Variants in TEAD1 observed in about 807,000 individuals in gnomAD.
TEAD1 encodes the protein transcriptional enhancer factor TEF-1.
In TEAD1, 9 loss-of-function variants were observed where a neutral mutation model predicts 54.9. The observed-to-expected ratio is 0.16, with a 90% CI of 0.10 to 0.29. The LOEUF is 0.29. TEAD1 is among the 10% of genes least tolerant of loss of function. The pLI, the probability that TEAD1 is intolerant of heterozygous loss-of-function variation, is 1.00. For missense variants in TEAD1, 387 were observed against 535.9 expected, an observed-to-expected ratio of 0.72 and a Z score of 2.74; for synonymous variants, 200 against 187.8, an observed-to-expected ratio of 1.07 and a Z score of -0.53.
intron 5 of TEAD1, among the ~76,000 whole-genome samples, chr11:12,871,366 T>C (rs536914553): frequency 3.3e-4 from 50 of 152,352 alleles, no homozygotes; most frequent in Non-Finnish European, 6.3e-4. Context: ...TTAGAAATTA[T>C]TCTCTACTTC....
intron 11 of TEAD1, among the ~76,000 whole-genome samples, chr11:12,929,406 G>A (rs1238270485): frequency 7.1e-6 from 1 of 140,092 alleles, no homozygotes; most frequent in African/African-American, 2.7e-5. Context: ...CCCTTTTCCT[G>A]GCTTCCTTTG....
chr11:12,779,795 A>G (rs1380989935), intron 3 of TEAD1, among the ~76,000 whole-genome samples: 1 of 152,226 alleles, frequency 6.6e-6, no homozygotes, highest in Non-Finnish European at 1.5e-5. Context: ...AATTAACGTA[A>G]CACACCATAT....
chr11:12,913,920 G>A (rs1948663411), intron 10 of TEAD1, among the ~76,000 whole-genome samples: 1 of 152,176 alleles, frequency 6.6e-6, no homozygotes, highest in Non-Finnish European at 1.5e-5. Flanking sequence ...GAAAGGTGGT[G>A]TCTGGGCCAG....
chr11:12,754,822 G>C (rs1944953091), intron 2 of TEAD1, among the ~76,000 whole-genome samples: 1 of 152,128 alleles, frequency 6.6e-6, no homozygotes. Flanking sequence ...AGTGAAGTGT[G>C]GATTTCCCTA....
intron 10 of TEAD1, among the ~76,000 whole-genome samples, chr11:12,908,883 G>GTTTTTGTTTTTTTTTTTTTTTTTTTTT (rs769023879): frequency 2.2e-4 from 22 of 99,668 alleles, no homozygotes; most frequent in African/African-American, 4.1e-4. Context: ...CAAATTATCT[G>GTTTTTGTTTTTTTTTTTTTTTTTTTTT]TTTTTTTTTT....
intron 10 of TEAD1, among the ~76,000 whole-genome samples, chr11:12,924,545 G>GT (rs969746344): frequency 1.3e-4 from 19 of 151,762 alleles, no homozygotes; most frequent in East Asian, 7.7e-4. Context: ...GCAGTCTCTT[G>GT]TTTTTTTTAA....
chr11:12,850,939 A>G, intron 3 of TEAD1: 1 of 352,914 alleles, frequency 2.8e-6, no homozygotes, highest in Non-Finnish European at 4.0e-6. Context: ...AGACGAGAAC[A>G]AAGGTCTGAA....
At chr11:12,794,443 AAAAC>A (rs1352914172) in intron 3 of TEAD1, among the ~76,000 whole-genome samples, 1 of 152,226 alleles carries the variant, frequency 6.6e-6, no homozygotes. Flanking sequence ...AAAAAAGAAA[AAAAC>A]AGCCCTCATG....
At chr11:12,822,321 AAT>A (rs1946569151) in intron 3 of TEAD1, 1 of 152,180 alleles carries the variant, frequency 6.6e-6, no homozygotes, top group Non-Finnish European at 1.5e-5. Context: ...TGTGAATTGA[AAT>A]ATAGATCCTC....
intron 3 of TEAD1, among the ~76,000 whole-genome samples, chr11:12,809,544 GACCATGCTTCTT>G (rs1017228571): frequency 1.6e-4 from 24 of 151,806 alleles, no homozygotes; most frequent in Non-Finnish European, 3.4e-4. Context: ...CCAGATCAAA[GACCATGCTTCTT>G]GGTCTAGCCA....
chr11:12,680,565 C>G (rs1049138928), intron 2 of TEAD1, among the ~76,000 whole-genome samples: 11 of 152,232 alleles, frequency 7.2e-5, no homozygotes, highest in Admixed American at 2.0e-4. Context: ...TCGCCCTCCC[C>G]CACTGGGCAG....
At chr11:12,809,789 C>T (rs763551591) in intron 3 of TEAD1, among the ~76,000 whole-genome samples, 9 of 151,988 alleles carry the variant, frequency 5.9e-5, no homozygotes, top group Non-Finnish European at 1.3e-4. Context: ...TGATGAAAAC[C>T]CTTGGCTTTA....
chr11:12,910,274 A>G (rs1158354760), intron 10 of TEAD1, among the ~76,000 whole-genome samples: 3 of 152,212 alleles, frequency 2.0e-5, no homozygotes, highest in African/African-American at 4.8e-5. Context: ...AGGAAATAAA[A>G]TTACAGATTT....
In TEAD1 at chr11:12,930,258, C is replaced by T; in HGVS notation, c.1099C>T (p.His367Tyr). 6.2e-7 allele frequency: 1 copy of T among 1,614,204 alleles called. No individual in the cohort carries two copies. The highest frequency in any genetic ancestry group is 1.3e-5 in the African/African-American group (1 of 75,042). The change falls in exon 12 of 13, where the codon CAC becomes TAC. Residue 367 changes from histidine (H) to tyrosine (Y), a missense_variant. His to Tyr is a moderately conservative substitution (Grantham distance 83). Transcript: ENST00000527636. ...GTGTGAATATATGATCAACTTCATC[C>T]ACAAGCTCAAACACTTACCAGAGAA...
At position 12,943,561 on chromosome 11, in the gene TEAD1, C is replaced by T. The variant is rs1269964490; in HGVS notation, c.*6339C>T. On this transcript the variant is annotated 3_prime_UTR_variant, in exon 13 of 13. Coordinates refer to ENST00000527636, the MANE Select transcript of TEAD1 (RefSeq NM_021961.6). ...TTGAGTCACTCATGCTACACTACAT[C>T]GCTTTAGTATTTGAGATGGCATTTA... 2.0e-5 allele frequency: 3 copies of T among 152,302 alleles called. No individual in the cohort carries two copies. The highest frequency in any genetic ancestry group is 7.2e-5 in the African/African-American group (3 of 41,442). The allele number at this position is 152,302 out of a possible 1,614,324, so 9.4% of individuals were successfully genotyped here. A position where few individuals can be genotyped will look rare whatever the true frequency, so the allele number is the denominator to read the frequency against.
intron 3 of TEAD1, among the ~76,000 whole-genome samples, chr11:12,780,369 G>A (rs934904984): frequency 6.6e-6 from 1 of 151,202 alleles, no homozygotes; most frequent in Non-Finnish European, 1.5e-5. Context: ...TCAGCCTCCC[G>A]AGTAACTGGG....
At chr11:12,698,405 A>G (rs1032438987) in intron 2 of TEAD1, among the ~76,000 whole-genome samples, 23 of 152,056 alleles carry the variant, frequency 1.5e-4, no homozygotes, top group African/African-American at 5.6e-4. Context: ...AATTGTTTAA[A>G]CTACCAGAGC....
Position 12,942,188 on chromosome 11 carries a change from G to A in TEAD1, c.*4966G>A, listed in dbSNP as rs1195306237. On this transcript the variant is annotated 3_prime_UTR_variant, in exon 13 of 13. Transcript: ENST00000527636. ...TTTTAAATTCATGACCAAATACTTA[G>A]CTATTTGTGAATCTTCTGCACTCTA... 6.6e-6 allele frequency: 1 copy of A among 152,600 alleles called. No homozygotes were observed. The highest frequency in any genetic ancestry group is 2.4e-5 in the African/African-American group (1 of 41,418). 9.5% of individuals were successfully genotyped at this position (152,600 alleles called of 1,614,324 possible).
intron 3 of TEAD1, among the ~76,000 whole-genome samples, chr11:12,840,519 C>G (rs902878796): frequency 6.6e-6 from 1 of 152,142 alleles, no homozygotes; most frequent in Non-Finnish European, 1.5e-5. Flanking sequence ...TAGTCTTTCA[C>G]TTAACTTTTA....
Sources: gnomAD v4.1 joint callset for allele counts (sites outside exome capture counted in the v4.1 genomes callset) on GRCh38, gnomAD v4.1.1 for gene constraint, MANE v1.5 for transcripts, NCBI Gene and HGNC (gene_info 2026-07-23, HGNC 2026-07-21) for gene names.